CDC42SE2: variants seen among roughly 807,000 people sequenced by gnomAD.
The protein encoded by CDC42SE2 is CDC42 small effector protein 2.
Under a neutral mutation model 11.5 loss-of-function variants are expected in CDC42SE2, and 3 were observed. The observed-to-expected ratio is 0.26, with a 90% CI of 0.12 to 0.67. CDC42SE2 has a LOEUF of 0.67. Among genes scored for constraint, CDC42SE2 ranks in the 30% least tolerant of loss-of-function variants. CDC42SE2 has a pLI of 0.80. For missense variants in CDC42SE2, 82 were observed against 106.8 expected, an observed-to-expected ratio of 0.77 and a Z score of 1.02; for synonymous variants, 33 against 34.8, an observed-to-expected ratio of 0.95 and a Z score of 0.18.
At chr5:131,337,798 G>A (rs564904887) in intron 2 of CDC42SE2, among the ~76,000 whole-genome samples, 11 of 152,348 alleles carry the variant, frequency 7.2e-5, no homozygotes, top group East Asian at 5.8e-4. Context: ...CTGGTGTGCC[G>A]TTTGTGAAGC....
At chr5:131,334,080 G>C (rs1019300469) in intron 2 of CDC42SE2, among the ~76,000 whole-genome samples, 4 of 152,036 alleles carry the variant, frequency 2.6e-5, no homozygotes, top group Non-Finnish European at 4.4e-5. Context: ...TATCCATTCA[G>C]TATGATATTG....
chr5:131,215,982 A>T, the CDC42SE2 span, among the ~76,000 whole-genome samples: 1 of 152,236 alleles, frequency 6.6e-6, no homozygotes, highest in Non-Finnish European at 1.5e-5. Context: ...ACTCTCAGCA[A>T]AATTCATTTA....
At chr5:131,228,783 CAG>C in the CDC42SE2 span, among the ~76,000 whole-genome samples, 83 of 152,210 alleles carry the variant, frequency 5.5e-4, no homozygotes, top group Middle Eastern at 3.4e-3. Context: ...GAAGAAACAA[CAG>C]AGAGTTTGCT....
At chr5:131,213,301 G>A in the CDC42SE2 span, among the ~76,000 whole-genome samples, 1 of 152,144 alleles carries the variant, frequency 6.6e-6, no homozygotes, top group Non-Finnish European at 1.5e-5. Flanking sequence ...CTCTAGCTTT[G>A]AAGTTTTTCA....
upstream of CDC42SE2, among the ~76,000 whole-genome samples, chr5:131,262,603 G>A (rs1054827942): frequency 1.1e-4 from 16 of 152,054 alleles, no homozygotes; most frequent in African/African-American, 3.9e-4. Flanking sequence ...CTCAGTATCC[G>A]AGGGGGATTG....
intron 3 of CDC42SE2, among the ~76,000 whole-genome samples, chr5:131,378,915 A>C (rs1750234216): frequency 6.6e-6 from 1 of 152,206 alleles, no homozygotes; most frequent in Non-Finnish European, 1.5e-5. Flanking sequence ...AATTATCTGA[A>C]GCTGGTAGTT....
intron 2 of CDC42SE2, among the ~76,000 whole-genome samples, chr5:131,335,691 C>A (rs1047203340): frequency 6.6e-6 from 1 of 152,176 alleles, no homozygotes; most frequent in East Asian, 1.9e-4. Context: ...GTTAGCTCTT[C>A]TTGTTGAATT....
At chr5:131,266,175 TA>T (rs1285900820) in intron 1 of CDC42SE2, among the ~76,000 whole-genome samples, 2 of 152,224 alleles carry the variant, frequency 1.3e-5, no homozygotes, top group Non-Finnish European at 2.9e-5. Context: ...GTTTTGCATT[TA>T]TTCTGAACAT....
At chr5:131,362,475 C>T (rs1580779616) in intron 3 of CDC42SE2, among the ~76,000 whole-genome samples, 1 of 152,146 alleles carries the variant, frequency 6.6e-6, no homozygotes, top group Non-Finnish European at 1.5e-5. Flanking sequence ...AATATCAAGA[C>T]TGCCTTATCT....
intron 1 of CDC42SE2, among the ~76,000 whole-genome samples, chr5:131,265,460 A>G (rs1756840073): frequency 6.6e-6 from 1 of 152,124 alleles, no homozygotes; most frequent in Non-Finnish European, 1.5e-5. Flanking sequence ...AGGGGGGGAA[A>G]AGCTAATGTT....
Position 131,377,115 on chromosome 5 carries a change from A to G in CDC42SE2, c.55-8428A>G, listed in dbSNP as rs144944030. Among the ~76,000 whole-genome samples, 1,023 of 152,124 alleles carry G rather than the reference A, an allele frequency of 6.7e-3. 10 individuals are homozygous for G. Among genetic ancestry groups the G allele is most frequent in the African/African-American group, 0.022 (929 of 41,526 alleles). On this transcript the variant is annotated intron_variant, in intron 3 of 4. Transcript: ENST00000505065. The stretch of plus-strand genomic sequence containing the variant: ...TAATTTACATTCCCACCAGCAGTAT[A>G]TAAGTGTTCCCTTTTCTCTGCAGCC...
the CDC42SE2 span, among the ~76,000 whole-genome samples, chr5:131,212,574 A>T: frequency 6.6e-6 from 1 of 152,032 alleles, no homozygotes; most frequent in Admixed American, 6.6e-5. Context: ...TCTCTGCTAC[A>T]CTCACCACTT....
At chr5:131,376,008 G>A (rs1265640451) in intron 3 of CDC42SE2, among the ~76,000 whole-genome samples, 1 of 152,078 alleles carries the variant, frequency 6.6e-6, no homozygotes, top group Non-Finnish European at 1.5e-5. Context: ...GGAGGCCAAG[G>A]TGGGTGGATT....
intron 1 of CDC42SE2, among the ~76,000 whole-genome samples, chr5:131,294,180 C>G (rs1276240453): frequency 6.6e-6 from 1 of 152,074 alleles, no homozygotes; most frequent in African/African-American, 2.4e-5. Flanking sequence ...TATCTTTAAG[C>G]GGATAGGCTG....
intron 1 of CDC42SE2, among the ~76,000 whole-genome samples, chr5:131,264,423 T>C (rs1343472213): frequency 6.6e-6 from 1 of 152,088 alleles, no homozygotes; most frequent in African/African-American, 2.4e-5. Context: ...ACACGCTCAG[T>C]TCAGAATTCA....
chr5:131,226,817 C>T, the CDC42SE2 span, among the ~76,000 whole-genome samples: 2 of 152,134 alleles, frequency 1.3e-5, no homozygotes, highest in East Asian at 3.8e-4. Flanking sequence ...GCATTGGTTT[C>T]CTTACTCTTG....
chr5:131,295,684 CTTTT>C (rs1159996671), intron 1 of CDC42SE2, among the ~76,000 whole-genome samples: 1 of 139,706 alleles, frequency 7.2e-6, no homozygotes, highest in South Asian at 2.3e-4. Context: ...GGGTGAAACA[CTTTT>C]TTTTTTTTTT....
intron 2 of CDC42SE2, among the ~76,000 whole-genome samples, chr5:131,349,825 A>G (rs545680308): frequency 3.3e-5 from 5 of 152,342 alleles, no homozygotes; most frequent in African/African-American, 1.2e-4. Flanking sequence ...TTTTTAAGGT[A>G]TGTGCACAAA....
chr5:131,380,915 C>G (rs1750302310), intron 3 of CDC42SE2, among the ~76,000 whole-genome samples: 1 of 152,160 alleles, frequency 6.6e-6, no homozygotes, highest in African/African-American at 2.4e-5. Flanking sequence ...TCTTCTCCTC[C>G]TATTACTCCA....
Sources: allele counts gnomAD v4.1 joint callset (sites outside exome capture counted in the v4.1 genomes callset), GRCh38; gene constraint gnomAD v4.1.1; transcripts MANE v1.5; gene names NCBI Gene and HGNC (gene_info 2026-07-23, HGNC 2026-07-21).